The following BICD1 variants were observed in gnomAD, a reference collection of about 807,000 sequenced individuals.
BICD1 encodes the protein BICD cargo adaptor 1, also known as protein bicaudal D homolog 1.
A neutral mutation model predicts 92.5 loss-of-function variants in BICD1; 35 were observed. That is an observed-to-expected ratio of 0.38 (90% confidence interval 0.29 to 0.50). BICD1 has a LOEUF of 0.50. BICD1 is among the 20% of genes least tolerant of loss of function. The probability of loss-of-function intolerance (pLI) is 0.93; values close to 1 mark genes in which losing one functional copy is unlikely to be tolerated. For missense variants in BICD1, 950 were observed against 1,189.8 expected (o/e 0.80, Z 2.97); for synonymous variants, 429 against 465.1 (o/e 0.92, Z 1.00).
At chr12:32,277,419 T>C (rs1947306932) in intron 2 of BICD1, among the ~76,000 whole-genome samples, 2 of 152,162 alleles carry the variant, frequency 1.3e-5, no homozygotes, top group Non-Finnish European at 2.9e-5. Flanking sequence ...ACAGTAACAG[T>C]TACTTCTCTG....
chr12:32,203,085 CA>C (rs1324906487), intron 1 of BICD1, among the ~76,000 whole-genome samples: 2 of 152,164 alleles, frequency 1.3e-5, no homozygotes, highest in Non-Finnish European at 2.9e-5. Context: ...CACTCGACAT[CA>C]GTGGGATAGG....
At position 32,236,896 on chromosome 12, in the gene BICD1, T is replaced by C. The variant is rs907847162; in HGVS notation, c.426+20437T>C. On this transcript the variant is annotated intron_variant, in intron 2 of 9. Coordinates refer to ENST00000652176, the MANE Select transcript of BICD1 (RefSeq NM_001714.4). ...TCTTTTTTTTTTTTTTTTTTTTTTT[T>C]CAGAGTCTTGCTCTGTTGCCCAGGC... is the stretch of plus-strand genomic sequence containing the variant. 5.9e-5 allele frequency among the ~76,000 whole-genome samples: 8 copies of C among 135,398 alleles called. No homozygotes were observed. The East Asian group carries it at 1.1e-3, about 19-fold the overall frequency. 88.8% of individuals were successfully genotyped at this position (135,398 alleles called of 152,430 possible). A position where few individuals can be genotyped will look rare whatever the true frequency, so the allele number is the denominator to read the frequency against.
chr12:32,349,659 C>CTA (rs10682713), intron 8 of BICD1, among the ~76,000 whole-genome samples: 82,313 of 151,720 alleles, frequency 0.54, 23,269 homozygotes, highest in African/African-American at 0.72. Context: ...TAACAGCATA[C>CTA]TATACCATAT....
intron 2 of BICD1, among the ~76,000 whole-genome samples, chr12:32,280,420 G>A (rs566505966): frequency 6.6e-6 from 1 of 152,326 alleles, no homozygotes; most frequent in South Asian, 2.1e-4. Context: ...TTGGATTATA[G>A]GCAGTAAATT....
intron 8 of BICD1, chr12:32,352,822 C>G (rs945916486): frequency 2.6e-5 from 4 of 151,884 alleles, no homozygotes; most frequent in African/African-American, 9.7e-5. Context: ...TGCAGTGAGC[C>G]GAGATCGTGC....
chr12:32,353,489 G>T (rs1938972230), intron 8 of BICD1: 1 of 151,192 alleles, frequency 6.6e-6, no homozygotes, highest in Admixed American at 6.6e-5. Flanking sequence ...ACTGACATTG[G>T]TGAAAGTCTG....
chr12:32,360,488 G>T (rs919143636), intron 8 of BICD1, among the ~76,000 whole-genome samples: 2 of 152,156 alleles, frequency 1.3e-5, no homozygotes, highest in African/African-American at 2.4e-5. Flanking sequence ...AATTACAAAT[G>T]CTCTCTATAG....
At chr12:32,315,795 A>G (rs1245441769) in intron 4 of BICD1, among the ~76,000 whole-genome samples, 1 of 152,168 alleles carries the variant, frequency 6.6e-6, no homozygotes, top group Non-Finnish European at 1.5e-5. Flanking sequence ...TTTTCAGTAC[A>G]GTAGTCAATA....
chr12:32,195,995 C>CA (rs1273595887), intron 1 of BICD1, among the ~76,000 whole-genome samples: 1 of 152,100 alleles, frequency 6.6e-6, no homozygotes, highest in Non-Finnish European at 1.5e-5. Flanking sequence ...CTTGAATGGA[C>CA]ATTTTTCCAA....
At position 32,107,346 on chromosome 12, in the gene BICD1, G is replaced by A; in HGVS notation, c.15G>A (p.Glu5=). 2 of 1,605,426 alleles carry A rather than the reference G, an allele frequency of 1.2e-6. No homozygotes were observed. The highest frequency in any genetic ancestry group is 2.2e-5 in the East Asian group (1 of 44,690). ...CCACCGGGGCTATGGCCGCAGAAGA[G>A]GTATTGCAGACGGTGGACCATTATA... The part of the protein sequence containing the change: MAAE[E]VLQTVDHYKT... Residue 5 remains glutamate, a synonymous_variant, in exon 1 of 10, where the codon GAG becomes GAA. Coordinates refer to ENST00000652176, the MANE Select transcript of BICD1 (RefSeq NM_001714.4).
In BICD1 at chr12:32,337,678, T is replaced by G; in HGVS notation, c.2432T>G (p.Leu811Arg). ...HEQSRRSKGK[L>R]GKSKIGSPKV... ...CAGTCCCGACGCAGCAAAGGCAAAC[T>G]TGGAAAGAGCAAGATCGGCAGCCCT... Residue 811 changes from leucine (L) to arginine (R), a missense_variant, in exon 7 of 10, where the codon CTT becomes CGT. Coordinates refer to ENST00000652176, the MANE Select transcript of BICD1 (RefSeq NM_001714.4). This position sits in a 1 kb window ranked among gnomAD's most constrained non-coding sequence, Gnocchi z 4.7. 6.2e-7 allele frequency: 1 copy of G among 1,614,124 alleles called. No homozygotes were observed.
At chr12:32,229,156 C>A (rs369558385) in intron 2 of BICD1, among the ~76,000 whole-genome samples, 3 of 152,132 alleles carry the variant, frequency 2.0e-5, no homozygotes, top group East Asian at 1.9e-4. Context: ...GAGGCTGAAG[C>A]AAGAGAATTG....
chr12:32,331,170 G>C (rs1937851978), intron 5 of BICD1, among the ~76,000 whole-genome samples: 1 of 152,006 alleles, frequency 6.6e-6, no homozygotes, highest in African/African-American at 2.4e-5. Context: ...AACTGAAACA[G>C]AGGTATAGAT....
chr12:32,208,598 A>G (rs112706559), intron 1 of BICD1, among the ~76,000 whole-genome samples: 2,337 of 152,204 alleles, frequency 0.015, 52 homozygotes, highest in African/African-American at 0.053. Context: ...CTTTTGAGCC[A>G]TACGCATCAT....
At chr12:32,356,822 A>G (rs1410774748) in intron 8 of BICD1, among the ~76,000 whole-genome samples, 1 of 152,062 alleles carries the variant, frequency 6.6e-6, no homozygotes, top group African/African-American at 2.4e-5. Context: ...AACTTCTATA[A>G]CTGTGCAACT....
chr12:32,332,956 C>T (rs1013835310), intron 5 of BICD1: 2 of 985,216 alleles, frequency 2.0e-6, no homozygotes, highest in African/African-American at 1.7e-5. Flanking sequence ...CTTAAAATTA[C>T]TTAATTCTGG....
intron 1 of BICD1, among the ~76,000 whole-genome samples, chr12:32,138,513 T>C (rs1374552828): frequency 6.6e-6 from 1 of 152,226 alleles, no homozygotes. Flanking sequence ...GACTTTATAA[T>C]TATTTTTTGA....
chr12:32,130,172 A>T (rs1240370863), intron 1 of BICD1, among the ~76,000 whole-genome samples: 2 of 152,116 alleles, frequency 1.3e-5, no homozygotes. Context: ...CCATTAATTT[A>T]CAAAAATTTT....
intron 9 of BICD1, among the ~76,000 whole-genome samples, chr12:32,373,605 G>A (rs1490828369): frequency 6.6e-6 from 1 of 152,116 alleles, no homozygotes; most frequent in African/African-American, 2.4e-5. Context: ...AGGTGCAGCG[G>A]CTCACGCCTG....
Sources: allele counts gnomAD v4.1 joint callset (sites outside exome capture counted in the v4.1 genomes callset), GRCh38; gene constraint gnomAD v4.1.1; non-coding constraint Gnocchi (gnomAD v3.1); transcripts MANE v1.5; gene names NCBI Gene and HGNC (gene_info 2026-07-23, HGNC 2026-07-21).